HERC2: variants seen among roughly 807,000 people sequenced by gnomAD.
The protein encoded by HERC2 is HECT and RLD domain containing E3 ubiquitin protein ligase 2, also known as E3 ubiquitin-protein ligase HERC2.
In HERC2, 102 loss-of-function variants were observed where a neutral mutation model predicts 537.7. The ratio of observed to expected loss-of-function variants is 0.19; its 90% confidence interval spans 0.16 to 0.22. The LOEUF is 0.22. HERC2 is among the 10% of genes least tolerant of loss of function. HERC2 has a pLI of 1.00. For synonymous variants in HERC2, 2,224 were observed against 2,466.2 expected (o/e 0.90, Z 2.91); for missense variants, 4,236 against 6,198.2 (o/e 0.68, Z 10.63).
In HERC2 at chr15:28,228,227, G is replaced by A. The variant is rs202167023; in HGVS notation, c.5455C>T (p.Arg1819Cys). The change falls in exon 35 of 93, where the codon CGC (arginine) becomes TGC (cysteine). Residue 1819 changes from arginine to cysteine, a missense_variant. Arg to Cys is a radical substitution (Grantham distance 180). This residue lies in a region of HERC2 where 343 missense variants were observed against 417.2 expected (regional missense o/e 0.82). Transcript: ENST00000261609. Reference sequence around the variant, plus strand: ...GCGGGTGCAGACCTACCAATCAGGCGCAGTGCCGTCTGCGTGAGGGCCAGC... The same window carrying A: ...GCGGGTGCAGACCTACCAATCAGGCACAGTGCCGTCTGCGTGAGGGCCAGC... ...GMLALTQTAL[R>C]LIGPSCDNVE... The A allele has an allele frequency of 7.4e-6, 12 of 1,613,200 alleles. No individual in the cohort carries two copies. The Middle Eastern group carries it at 5.0e-4, about 67-fold the overall frequency.
chr15:28,167,720 G>T lies in HERC2; in HGVS notation c.10521C>A (p.Ser3507Arg). 6.2e-7 allele frequency: 1 copy of T among 1,614,206 alleles called. No individual in the cohort carries two copies. The highest frequency in any genetic ancestry group is 8.5e-7 in the Non-Finnish European group (1 of 1,180,040). Residue 3507 changes from serine (S) to arginine (R), a missense_variant, in exon 68 of 93, where the codon AGC (serine) becomes AGA (arginine). Ser to Arg is a moderately radical substitution (Grantham distance 110). Coordinates refer to ENST00000261609, the MANE Select transcript of HERC2 (RefSeq NM_004667.6). The stretch of plus-strand genomic sequence containing the variant: ...TTTTGGTCATGGTTTCTGCAATGAT[G>T]CTTGCGGCTCCCAGGTCATCCGTCA... The part of the protein sequence containing the change: ...IPVTDDLGAA[S>R]IIAETMTKTK...
At chr15:28,288,322 T>C (rs1008455694) in intron 4 of HERC2, among the ~76,000 whole-genome samples, 7 of 151,518 alleles carry the variant, frequency 4.6e-5, no homozygotes, top group Non-Finnish European at 1.0e-4. Context: ...GGTCAGGAGT[T>C]CGAAACCAGC....
chr15:28,125,146 C>T lies in HERC2; in HGVS notation c.12850G>A (p.Gly4284Arg). ...GDNDEGQLGD[G>R]TTNAIQRPRL... ...GGCCTCTGGATGGCATTGGTGGTTC[C>T]GTCTCCCAGTTGTCCCTCATCATTG... Residue 4284 changes from glycine to arginine, a missense_variant, in exon 84 of 93, where the codon GGA (glycine) becomes AGA (arginine). Physicochemically the swap from Gly to Arg is moderately radical, Grantham distance 125. Coordinates refer to ENST00000261609, the MANE Select transcript of HERC2 (RefSeq NM_004667.6). 1.9e-6 allele frequency: 3 copies of T among 1,614,078 alleles called. No homozygotes were observed. Among genetic ancestry groups the T allele is most frequent in the Non-Finnish European group, 2.5e-6 (3 of 1,179,918 alleles).
chr15:28,307,597 T>C (rs886166567), intron 2 of HERC2, among the ~76,000 whole-genome samples: 2 of 152,264 alleles, frequency 1.3e-5, no homozygotes, highest in Admixed American at 1.3e-4. Flanking sequence ...ATTTCTTCAC[T>C]GACCTGTTGG....
At chr15:28,225,559 G>T (rs777065519) in intron 35 of HERC2, among the ~76,000 whole-genome samples, 2 of 151,754 alleles carry the variant, frequency 1.3e-5, no homozygotes, top group African/African-American at 4.8e-5. Context: ...TTAGCTGGGC[G>T]TGGTGGCGCG....
chr15:28,266,700 A>C (rs1230334265), intron 12 of HERC2, among the ~76,000 whole-genome samples: 1 of 152,220 alleles, frequency 6.6e-6, no homozygotes, highest in Non-Finnish European at 1.5e-5. Flanking sequence ...TTGTTATATT[A>C]AATTATGGAA....
At chr15:28,133,172 T>G (rs1890281237) in intron 79 of HERC2, among the ~76,000 whole-genome samples, 1 of 152,002 alleles carries the variant, frequency 6.6e-6, no homozygotes, top group Non-Finnish European at 1.5e-5. Context: ...ATGCAACTCC[T>G]AAAATAGTTA....
chr15:28,194,492 C>A lies in HERC2; in HGVS notation c.8260+1723G>T, dbSNP rs538592035. Among the ~76,000 whole-genome samples, 300 of 151,470 alleles carry A rather than the reference C, an allele frequency of 2.0e-3. 1 individual carries two copies. The highest frequency in any genetic ancestry group is 6.9e-3 in the African/African-American group (286 of 41,424). Reference sequence around the variant, plus strand: ...GGCTGAAGCGGGAGAATGGCATGAACCCGGGAAGCGGAGCTTGCAGTGAGC... The same window carrying A: ...GGCTGAAGCGGGAGAATGGCATGAAACCGGGAAGCGGAGCTTGCAGTGAGC... On this transcript the variant is annotated intron_variant, in intron 52 of 92. Coordinates refer to ENST00000261609, the MANE Select transcript of HERC2 (RefSeq NM_004667.6).
At position 28,265,727 on chromosome 15, in the gene HERC2, G is replaced by A; in HGVS notation, c.1761C>T (p.Ser587=). Residue 587 remains serine, a synonymous_variant, in exon 14 of 93, where the codon TCC becomes TCT. Coordinates refer to ENST00000261609, the MANE Select transcript of HERC2 (RefSeq NM_004667.6). The surrounding 1 kb of genome is among the most constrained non-coding windows in gnomAD (Gnocchi z 4.0). The stretch of plus-strand genomic sequence containing the variant: ...GCATCGGAATGGCCTCGTCCTCACT[G>A]GAGCCTTCAAACAGATAGGACGGCG... The part of the protein sequence containing the change: ...RGNYGRLGHG[S]SEDEAIPMLV... The A allele has an allele frequency of 6.2e-7, 1 of 1,614,112 alleles. No individual in the cohort carries two copies. The highest frequency in any genetic ancestry group is 8.5e-7 in the Non-Finnish European group (1 of 1,179,990).
chr15:28,113,862 G>T lies in HERC2; in HGVS notation c.13914-184C>A, dbSNP rs1194509741. On this transcript the variant is annotated intron_variant, in intron 90 of 92. Transcript: ENST00000261609. The surrounding 1 kb of genome is among the most constrained non-coding windows in gnomAD (Gnocchi z 7.0). ...ACTGCAGAGCTTCTCCTGACACTGGGCTCATCTCGTCCAGCCGACAGGGTA... is the reference window on the plus strand; with the variant it reads ...ACTGCAGAGCTTCTCCTGACACTGGTCTCATCTCGTCCAGCCGACAGGGTA... 2 of 627,882 alleles carry T rather than the reference G, an allele frequency of 3.2e-6. No individual in the cohort carries two copies. The highest frequency in any genetic ancestry group is 2.7e-5 in the East Asian group (1 of 36,474). 38.9% of individuals were successfully genotyped at this position (627,882 alleles called of 1,614,324 possible).
intron 23 of HERC2, among the ~76,000 whole-genome samples, chr15:28,244,044 C>G (rs995779661): frequency 6.6e-6 from 1 of 152,056 alleles, no homozygotes. Context: ...GGCATGGTGG[C>G]GCATGCTTGC....
At chr15:28,229,427 C>T in intron 33 of HERC2, 33 bp downstream of exon 33, 1 of 1,613,638 alleles carries the variant, frequency 6.2e-7, no homozygotes, top group South Asian at 1.1e-5. Context: ...CCATAGCTAC[C>T]TTAATTAAGA....
chr15:28,223,724 G>A (rs773802903), intron 35 of HERC2, among the ~76,000 whole-genome samples: 54 of 152,104 alleles, frequency 3.6e-4, no homozygotes, highest in Non-Finnish European at 2.6e-4. Flanking sequence ...ACATTAAGCT[G>A]GTATAAAATA....
intron 2 of HERC2, among the ~76,000 whole-genome samples, chr15:28,309,353 A>G (rs1251087127): frequency 6.6e-6 from 1 of 152,186 alleles, no homozygotes; most frequent in African/African-American, 2.4e-5. Context: ...TGTTGAGTGC[A>G]TATATACATA....
In HERC2 at chr15:28,256,204, G is replaced by A. The variant is rs754636290; in HGVS notation, c.2631C>T (p.Gly877=). ...CGGCCGACTGCACGGTGCTCAGCACGCCCGCACTGCTGGCCAGGGTCACCA... is the reference window on the plus strand; with the variant it reads ...CGGCCGACTGCACGGTGCTCAGCACACCCGCACTGCTGGCCAGGGTCACCA... ...QTVVTLASSA[G]VLSTVQSAAQ... is the part of the protein sequence containing the mutation. Residue 877 remains glycine, a synonymous_variant, in exon 18 of 93, where the codon GGC becomes GGT. Transcript: ENST00000261609. The A allele has an allele frequency of 2.3e-5, 37 of 1,600,580 alleles. No individual in the cohort carries two copies. The highest frequency in any genetic ancestry group is 4.5e-5 in the East Asian group (2 of 44,886).
At chr15:28,214,405 G>A in intron 40 of HERC2, 133 bp from the exon 41 acceptor site, 1 of 873,918 alleles carries the variant, frequency 1.1e-6, no homozygotes, top group South Asian at 1.4e-5. Flanking sequence ...AGACGGCCAT[G>A]CACCTCTGAG....
intron 3 of HERC2, among the ~76,000 whole-genome samples, chr15:28,293,276 A>G (rs1435333338): frequency 6.6e-6 from 1 of 152,022 alleles, no homozygotes; most frequent in Non-Finnish European, 1.5e-5. Context: ...GGTGGATCAC[A>G]AGGTCAGGAG....
intron 2 of HERC2, among the ~76,000 whole-genome samples, chr15:28,311,145 A>T (rs993757418): frequency 1.4e-5 from 2 of 147,100 alleles, no homozygotes; most frequent in African/African-American, 5.1e-5. Flanking sequence ...TGACAGTAGA[A>T]GTCAAGACAG....
At chr15:28,141,094 C>G (rs372392061) in intron 78 of HERC2, among the ~76,000 whole-genome samples, 4 of 151,834 alleles carry the variant, frequency 2.6e-5, no homozygotes, top group South Asian at 4.2e-4. Context: ...AAAAGTTAGC[C>G]AGGTGTGGTG....
Sources: gnomAD v4.1 joint callset for allele counts (sites outside exome capture counted in the v4.1 genomes callset) on GRCh38, gnomAD v4.1.1 for gene constraint, gnomAD v4.1.1 regional missense constraint, Gnocchi (gnomAD v3.1) non-coding constraint, MANE v1.5 for transcripts, NCBI Gene and HGNC (gene_info 2026-07-23, HGNC 2026-07-21) for gene names.